ADAMTS16: variants seen among roughly 807,000 people sequenced by gnomAD.
ADAMTS16 encodes ADAM metallopeptidase with thrombospondin type 1 motif 16.
In ADAMTS16, 94 loss-of-function variants were observed where a neutral mutation model predicts 145.8. That is an observed-to-expected ratio of 0.64 (90% confidence interval 0.55 to 0.77). The LOEUF (loss-of-function observed/expected upper bound fraction) is 0.77, where lower values mean the gene tolerates loss of function less well. Among genes scored for constraint, ADAMTS16 ranks in the 30% least tolerant of loss-of-function variants. The pLI is 0.00. For synonymous variants in ADAMTS16, 659 were observed against 604.3 expected, an observed-to-expected ratio of 1.09 and a Z score of -1.33; for missense variants, 1,585 against 1,591.5, an observed-to-expected ratio of 1.00 and a Z score of 0.07.
chr5:5,257,962 G>A (rs1737851891), intron 17 of ADAMTS16, among the ~76,000 whole-genome samples: 2 of 152,134 alleles, frequency 1.3e-5, no homozygotes, highest in Non-Finnish European at 2.9e-5. Flanking sequence ...CCACTTGATT[G>A]ACGATCATGG....
chr5:5,316,715 C>G (rs968078753), intron 21 of ADAMTS16, among the ~76,000 whole-genome samples: 1 of 152,146 alleles, frequency 6.6e-6, no homozygotes, highest in South Asian at 2.1e-4. Context: ...AAAATAAGCC[C>G]CAGCAGCTGG....
intron 17 of ADAMTS16, among the ~76,000 whole-genome samples, chr5:5,245,624 TCATG>T (rs1737419423): frequency 6.6e-6 from 1 of 152,202 alleles, no homozygotes; most frequent in African/African-American, 2.4e-5. Context: ...GTTATGGAAT[TCATG>T]AATGGGAAGA....
At chr5:5,244,309 A>G (rs1484502566) in intron 17 of ADAMTS16, among the ~76,000 whole-genome samples, 2 of 152,176 alleles carry the variant, frequency 1.3e-5, no homozygotes, top group Admixed American at 1.3e-4. Flanking sequence ...CTTCCCTAGT[A>G]TCCCCAGAAT....
At chr5:5,206,406 AC>A (rs1736117342) in intron 9 of ADAMTS16, among the ~76,000 whole-genome samples, 1 of 93,058 alleles carries the variant, frequency 1.1e-5, no homozygotes, top group Non-Finnish European at 2.0e-5. Context: ...AGCCTGGGCG[AC>A]AGAGCGAGAC....
rs185182708 is a variant in ADAMTS16 at position 5,189,430 on chromosome 5, A to C, written c.1048-541A>C. 1.4e-3 allele frequency among the ~76,000 whole-genome samples: 211 copies of C among 152,336 alleles called. 1 individual carries two copies. The highest frequency in any genetic ancestry group is 4.8e-3 in the African/African-American group (200 of 41,580). On this transcript the variant is annotated intron_variant, in intron 6 of 22. Transcript: ENST00000274181. ...TAGTTGCAGTTTATTTTCCAGAAAT[A>C]AAGCTTTACCAATTGACCCACCTCC... is the stretch of plus-strand genomic sequence containing the variant.
At chr5:5,314,481 C>T (rs896238973) in intron 21 of ADAMTS16, among the ~76,000 whole-genome samples, 2 of 152,104 alleles carry the variant, frequency 1.3e-5, no homozygotes, top group African/African-American at 2.4e-5. Context: ...TTTAAGCCAT[C>T]GTATTTGGGA....
At chr5:5,300,468 C>A (rs1007257806) in intron 18 of ADAMTS16, among the ~76,000 whole-genome samples, 7 of 152,094 alleles carry the variant, frequency 4.6e-5, no homozygotes, top group Non-Finnish European at 8.8e-5. Context: ...CTCCTACAAC[C>A]CTGACATGTG....
In ADAMTS16 at chr5:5,209,131, C is replaced by T. The variant is rs1199531410; in HGVS notation, c.1490C>T (p.Pro497Leu). Residue 497 changes from proline (P) to leucine (L), a missense_variant, in exon 10 of 23, where the codon CCT becomes CTT. Coordinates refer to ENST00000274181, the MANE Select transcript of ADAMTS16 (RefSeq NM_139056.4). ...QAICLADQPK[P>L]VKEYKYPEKL... The stretch of plus-strand genomic sequence containing the variant: ...ATCTGCCTTGCTGATCAGCCAAAGC[C>T]TGTGAAGGAATACAAGTATCCTGAG... The T allele has an allele frequency of 6.2e-7, 1 of 1,613,906 alleles. No homozygotes were observed. The highest frequency in any genetic ancestry group is 8.5e-7 in the Non-Finnish European group (1 of 1,179,876).
At chr5:5,162,705 T>G (rs1734772333) in intron 3 of ADAMTS16, among the ~76,000 whole-genome samples, 2 of 149,944 alleles carry the variant, frequency 1.3e-5, no homozygotes, top group East Asian at 2.0e-4. Flanking sequence ...TATGATTGAG[T>G]GATGAAAGAC....
At position 5,255,018 on chromosome 5, in the gene ADAMTS16, T is replaced by A. The variant is rs146044755; in HGVS notation, c.2663-7639T>A. Among the ~76,000 whole-genome samples the A allele has an allele frequency of 3.3e-5, 5 of 152,308 alleles. No individual in the cohort carries two copies. The East Asian group carries it at 9.6e-4, about 29-fold the overall frequency. On this transcript the variant is annotated intron_variant, in intron 17 of 22. Coordinates refer to ENST00000274181, the MANE Select transcript of ADAMTS16 (RefSeq NM_139056.4). ...GAGTTAGATCTTTGATACATTTTTA[T>A]ATTATTATGTATGGTAATTGGACTA...
Position 5,190,071 on chromosome 5 carries a change from C to A in ADAMTS16, c.1148C>A (p.Ala383Asp), listed in dbSNP as rs1735619099. ...MGKDGTRHDH[A>D]ILLTGLDICS... ...AAAGATGGGACTCGTCATGACCACGCCATCTTACTGACTGGTCTGGATATA... is the reference window on the plus strand; with the variant it reads ...AAAGATGGGACTCGTCATGACCACGACATCTTACTGACTGGTCTGGATATA... The change falls in exon 7 of 23, where the codon GCC becomes GAC. Residue 383 changes from alanine to aspartate, a missense_variant. This residue lies in a region of ADAMTS16 where 298 missense variants were observed against 367.6 expected (regional missense o/e 0.81). Coordinates refer to ENST00000274181, the MANE Select transcript of ADAMTS16 (RefSeq NM_139056.4). 8 of 1,612,778 alleles carry A rather than the reference C, an allele frequency of 5.0e-6. No homozygotes were observed. The highest frequency in any genetic ancestry group is 2.2e-5 in the East Asian group (1 of 44,822).
At chr5:5,273,265 C>G (rs1417884193) in intron 18 of ADAMTS16, among the ~76,000 whole-genome samples, 2 of 152,224 alleles carry the variant, frequency 1.3e-5, no homozygotes, top group African/African-American at 2.4e-5. Flanking sequence ...GTGACTCACG[C>G]CTGTAATCCC....
chr5:5,295,518 C>T (rs1408096677), intron 18 of ADAMTS16, among the ~76,000 whole-genome samples: 2 of 152,248 alleles, frequency 1.3e-5, no homozygotes, highest in African/African-American at 4.8e-5. Context: ...ATGCTGACAT[C>T]CCTGGGCAAG....
At chr5:5,193,727 C>G (rs1735726976) in intron 8 of ADAMTS16, among the ~76,000 whole-genome samples, 2 of 152,120 alleles carry the variant, frequency 1.3e-5, no homozygotes, top group Admixed American at 6.5e-5. Context: ...TTTCCTCACT[C>G]AAATTGGGTG....
intron 11 of ADAMTS16, among the ~76,000 whole-genome samples, chr5:5,231,435 T>C (rs1162035902): frequency 1.7e-5 from 1 of 60,420 alleles, no homozygotes; most frequent in South Asian, 5.7e-4. Flanking sequence ...AAAGTAGCCT[T>C]TTTTTTTTTC....
At chr5:5,204,175 G>C (rs1334470920) in intron 9 of ADAMTS16, among the ~76,000 whole-genome samples, 2 of 152,138 alleles carry the variant, frequency 1.3e-5, no homozygotes, top group African/African-American at 4.8e-5. Flanking sequence ...GAGGGCCTCA[G>C]TCTTCTTAAC....
At chr5:5,298,839 G>A (rs1739652513) in intron 18 of ADAMTS16, among the ~76,000 whole-genome samples, 1 of 152,154 alleles carries the variant, frequency 6.6e-6, no homozygotes. Context: ...TGACCCCTGG[G>A]CCATTGAGTC....
chr5:5,242,782 C>T (rs1200646542), intron 17 of ADAMTS16, among the ~76,000 whole-genome samples: 5 of 152,180 alleles, frequency 3.3e-5, no homozygotes, highest in African/African-American at 7.2e-5. Flanking sequence ...ACATTTATAT[C>T]GGTAAAGCTA....
intron 2 of ADAMTS16, among the ~76,000 whole-genome samples, chr5:5,145,689 T>C (rs1734274544): frequency 6.6e-6 from 1 of 152,264 alleles, no homozygotes; most frequent in Admixed American, 6.5e-5. Context: ...CATCTGAGAA[T>C]AATTTGATTT....
Sources: allele counts gnomAD v4.1 joint callset (sites outside exome capture counted in the v4.1 genomes callset), GRCh38; gene constraint gnomAD v4.1.1; regional missense constraint gnomAD v4.1.1; transcripts MANE v1.5; gene names NCBI Gene and HGNC (gene_info 2026-07-23, HGNC 2026-07-21).